Variants in DYRK1A observed in about 807,000 individuals in gnomAD.
The protein encoded by DYRK1A is dual specificity tyrosine-phosphorylation-regulated kinase 1A.
In DYRK1A, 9 loss-of-function variants were observed where a neutral mutation model predicts 79.7. That is an observed-to-expected ratio of 0.11 (90% CI 0.07 to 0.20). DYRK1A has a LOEUF of 0.20. Ranked by LOEUF, DYRK1A falls within the 10% of genes least tolerant of loss-of-function variation. The probability of loss-of-function intolerance (pLI) is 1.00; values close to 1 mark genes in which losing one functional copy is unlikely to be tolerated. For missense variants in DYRK1A, 622 were observed against 956.0 expected (o/e 0.65, Z 4.61); for synonymous variants, 349 against 329.7 (o/e 1.06, Z -0.63).
intron 1 of DYRK1A, among the ~76,000 whole-genome samples, chr21:37,381,384 A>G (rs2049655793): frequency 6.6e-6 from 1 of 152,236 alleles, no homozygotes; most frequent in Admixed American, 6.5e-5. Context: ...CCTACTATGT[A>G]TTGAGAATTA....
At chr21:37,375,029 T>C (rs1000563536) in intron 1 of DYRK1A, 1 of 152,234 alleles carries the variant, frequency 6.6e-6, no homozygotes, top group Non-Finnish European at 1.5e-5. Flanking sequence ...TCCTGACTCT[T>C]CGTTCTTTGT....
At chr21:37,440,838 A>C (rs12483014) in intron 2 of DYRK1A, among the ~76,000 whole-genome samples, 67,542 of 151,958 alleles carry the variant, frequency 0.44, 15,758 homozygotes, top group East Asian at 0.57. Flanking sequence ...ATCTTGGTTA[A>C]AGTTGCTTTG....
chr21:37,478,940 G>A (rs953630585), intron 4 of DYRK1A, among the ~76,000 whole-genome samples: 2 of 152,110 alleles, frequency 1.3e-5, no homozygotes, highest in Non-Finnish European at 2.9e-5. Context: ...AAATTTTTCT[G>A]GTGTCTTGGA....
chr21:37,497,686 A>T (rs754926555), intron 9 of DYRK1A, among the ~76,000 whole-genome samples: 12 of 151,982 alleles, frequency 7.9e-5, no homozygotes, highest in Non-Finnish European at 1.6e-4. Context: ...ATCCCATTCC[A>T]TCTCCTAAAT....
intron 1 of DYRK1A, among the ~76,000 whole-genome samples, chr21:37,414,953 GTACTAC>G (rs1174940055): frequency 1.3e-5 from 2 of 152,278 alleles, no homozygotes; most frequent in African/African-American, 4.8e-5. Flanking sequence ...CAGAGTACCT[GTACTAC>G]TACTTTACAA....
At chr21:37,488,365 A>T in intron 6 of DYRK1A, 1 of 911,272 alleles carries the variant, frequency 1.1e-6, no homozygotes, top group African/African-American at 1.8e-5. Context: ...TCCGAAAGTC[A>T]TATTGATTTT....
chr21:37,468,114 CT>C (rs1165706278), intron 2 of DYRK1A, among the ~76,000 whole-genome samples: 1 of 151,598 alleles, frequency 6.6e-6, no homozygotes, highest in Non-Finnish European at 1.5e-5. Flanking sequence ...AACTTACTTA[CT>C]TTTTTTTTCT....
intron 2 of DYRK1A, among the ~76,000 whole-genome samples, chr21:37,466,780 T>C (rs1156975658): frequency 6.6e-6 from 1 of 151,874 alleles, no homozygotes; most frequent in Non-Finnish European, 1.5e-5. Flanking sequence ...TGGTAACTGA[T>C]AGAACAAGAT....
At chr21:37,485,649 A>T (rs986837725) in intron 5 of DYRK1A, among the ~76,000 whole-genome samples, 1 of 152,212 alleles carries the variant, frequency 6.6e-6, no homozygotes, top group African/African-American at 2.4e-5. Flanking sequence ...TATAAATGTA[A>T]CTTCTATTTT....
At chr21:37,484,518 G>A (rs537407773) in intron 5 of DYRK1A, among the ~76,000 whole-genome samples, 1 of 152,032 alleles carries the variant, frequency 6.6e-6, no homozygotes, top group South Asian at 2.1e-4. Flanking sequence ...TAGTAGAGAT[G>A]GGATTTCACC....
At chr21:37,506,815 C>T (rs368669634) in intron 11 of DYRK1A, among the ~76,000 whole-genome samples, 2 of 152,208 alleles carry the variant, frequency 1.3e-5, no homozygotes, top group East Asian at 1.9e-4. Context: ...CCGAGTTTTG[C>T]GTGATGGTGT....
chr21:37,386,989 C>G (rs1417235132), intron 1 of DYRK1A, among the ~76,000 whole-genome samples: 1 of 152,216 alleles, frequency 6.6e-6, no homozygotes, highest in Non-Finnish European at 1.5e-5. Flanking sequence ...GTTAGGCTCA[C>G]TCCTGGCACT....
At chr21:37,388,100 ATTTTT>A (rs34571307) in intron 1 of DYRK1A, among the ~76,000 whole-genome samples, 2 of 116,634 alleles carry the variant, frequency 1.7e-5, no homozygotes, top group Non-Finnish European at 3.4e-5. Context: ...CTTCCCTTTG[ATTTTT>A]TTTTTTTTTT....
chr21:37,447,115 TTA>T (rs1569330102), intron 2 of DYRK1A, among the ~76,000 whole-genome samples: 3 of 152,170 alleles, frequency 2.0e-5, no homozygotes, highest in Non-Finnish European at 4.4e-5. Flanking sequence ...CTTGCTTCTT[TTA>T]TATCCCCTTC....
intron 1 of DYRK1A, among the ~76,000 whole-genome samples, chr21:37,413,278 A>C (rs2050275855): frequency 1.3e-5 from 2 of 152,300 alleles, no homozygotes; most frequent in South Asian, 4.1e-4. Context: ...TGTTTCTGAG[A>C]TGCAAGGATT....
At chr21:37,401,105 C>T (rs1432696258) in intron 1 of DYRK1A, among the ~76,000 whole-genome samples, 2 of 151,996 alleles carry the variant, frequency 1.3e-5, no homozygotes. Flanking sequence ...GATCGTGCCA[C>T]TGCACTCCAG....
At chr21:37,403,043 G>A (rs552890093) in intron 1 of DYRK1A, among the ~76,000 whole-genome samples, 4 of 152,216 alleles carry the variant, frequency 2.6e-5, no homozygotes, top group Admixed American at 6.5e-5. Context: ...GGGATTACAA[G>A]CGTGAGCCAC....
chr21:37,409,170 T>C (rs2050199775), intron 1 of DYRK1A, among the ~76,000 whole-genome samples: 1 of 151,852 alleles, frequency 6.6e-6, no homozygotes, highest in African/African-American at 2.4e-5. Flanking sequence ...AGATGTGTAC[T>C]AGGAGATAGA....
At chr21:37,367,942 C>A in intron 1 of DYRK1A, 2 of 160,132 alleles carry the variant, frequency 1.2e-5, no homozygotes, top group South Asian at 3.6e-4. Flanking sequence ...TGGAGGTTGT[C>A]TTCCTCCTCC....
Sources: allele counts gnomAD v4.1 joint callset (sites outside exome capture counted in the v4.1 genomes callset), GRCh38; gene constraint gnomAD v4.1.1; transcripts MANE v1.5; gene names NCBI Gene and HGNC (gene_info 2026-07-23, HGNC 2026-07-21).